LUC7L3: variants seen among roughly 807,000 people sequenced by gnomAD.
LUC7L3 encodes the protein luc7-like protein 3.
Under a neutral mutation model 66.8 loss-of-function variants are expected in LUC7L3, and 6 were observed. The observed-to-expected ratio is 0.09, with a 90% CI of 0.05 to 0.18. The LOEUF is 0.18. Among genes scored for constraint, LUC7L3 ranks in the 10% least tolerant of loss-of-function variants. The pLI, the probability that LUC7L3 is intolerant of heterozygous loss-of-function variation, is 1.00. For synonymous variants in LUC7L3, 160 were observed against 174.7 expected, an observed-to-expected ratio of 0.92 and a Z score of 0.66; for missense variants, 341 against 531.1, an observed-to-expected ratio of 0.64 and a Z score of 3.52.
chr17:50,739,024 C>T (rs973497325), intron 2 of LUC7L3, among the ~76,000 whole-genome samples: 3 of 151,878 alleles, frequency 2.0e-5, no homozygotes, highest in Non-Finnish European at 4.4e-5. Flanking sequence ...ATGTGTCTGC[C>T]GGAGGGGGAA....
rs1454196649 is a variant in LUC7L3 at position 50,755,203 on chromosome 17, C to A, written c.*4542C>A. On this transcript the variant is annotated 3_prime_UTR_variant, in exon 10 of 10. Coordinates refer to ENST00000505658, the MANE Select transcript of LUC7L3 (RefSeq NM_016424.5). ...CCCATGGTTAAAAAAAAAAAGTGTT[C>A]AGTGATCTATGTCTCCTACTACTCC... is the stretch of plus-strand genomic sequence containing the variant. 6.6e-6 allele frequency: 1 copy of A among 151,904 alleles called. No individual in the cohort carries two copies. Among genetic ancestry groups the A allele is most frequent in the Non-Finnish European group, 1.5e-5 (1 of 67,976 alleles). The allele number at this position is 151,904 out of a possible 1,614,324, so 9.4% of individuals were successfully genotyped here.
chr17:50,743,901 C>A, intron 6 of LUC7L3, 91 bp downstream of exon 6: 2 of 950,960 alleles, frequency 2.1e-6, no homozygotes, highest in African/African-American at 1.7e-5. Flanking sequence ...AACTGATGTT[C>A]CAAACTTAGA....
At position 50,754,520 on chromosome 17, in the gene LUC7L3, A is replaced by AT. The variant is rs1971076167; in HGVS notation, c.*3861dup. ...AAACTTTTGTTGGTCATCAAACTATATTAGCACTGGTCCAATAGTTTAATT... is the reference window on the plus strand; with the variant it reads ...AAACTTTTGTTGGTCATCAAACTATATTTAGCACTGGTCCAATAGTTTAATT... On this transcript the variant is annotated 3_prime_UTR_variant, in exon 10 of 10. Coordinates refer to ENST00000505658, the MANE Select transcript of LUC7L3 (RefSeq NM_016424.5). 1 of 152,234 alleles carries AT rather than the reference A, an allele frequency of 6.6e-6. No individual in the cohort carries two copies. The highest frequency in any genetic ancestry group is 6.5e-5 in the Admixed American group (1 of 15,280). The allele number at this position is 152,234 out of a possible 1,614,324, so 9.4% of individuals were successfully genotyped here.
At chr17:50,737,228 T>C (rs1970037691) in intron 2 of LUC7L3, 2 of 654,984 alleles carry the variant, frequency 3.1e-6, no homozygotes, top group South Asian at 1.6e-5. Context: ...TAATTAAACA[T>C]ACATGTCTAT....
intron 1 of LUC7L3, among the ~76,000 whole-genome samples, chr17:50,730,180 C>T (rs78472206): frequency 0.064 from 9,688 of 151,562 alleles, 362 homozygotes; most frequent in Non-Finnish European, 0.082. Context: ...CCACGTTGCC[C>T]GGGCTGGTCT....
chr17:50,739,693 A>G (rs527772016), intron 2 of LUC7L3, among the ~76,000 whole-genome samples: 15 of 152,334 alleles, frequency 9.8e-5, no homozygotes, highest in African/African-American at 3.6e-4. Context: ...AGAAAACATC[A>G]GAAGTGTCTC....
At chr17:50,729,896 TTATATA>T (rs1156777167) in intron 1 of LUC7L3, among the ~76,000 whole-genome samples, 1,300 of 64,674 alleles carry the variant, frequency 0.02, 14 homozygotes, top group Non-Finnish European at 0.027. Context: ...TATAAATACA[TTATATA>T]TATATATATA....
intron 1 of LUC7L3, chr17:50,723,055 T>G (rs1436947562): frequency 6.6e-6 from 1 of 152,262 alleles, no homozygotes; most frequent in Non-Finnish European, 1.5e-5. Context: ...GAGGGTTTGA[T>G]TTCAGTGTTA....
At chr17:50,744,322 G>A (rs1301698119) in intron 6 of LUC7L3, among the ~76,000 whole-genome samples, 3 of 152,128 alleles carry the variant, frequency 2.0e-5, no homozygotes, top group Non-Finnish European at 4.4e-5. Flanking sequence ...TTTTGTATAT[G>A]GACATTATTC....
intron 1 of LUC7L3, chr17:50,723,086 C>T (rs943188668): frequency 2.6e-5 from 4 of 152,078 alleles, no homozygotes; most frequent in Admixed American, 2.0e-4. Context: ...GCACTAGTAG[C>T]CATATTATTA....
At chr17:50,740,401 G>A (rs8080454) in intron 3 of LUC7L3, 56 bp downstream of exon 3, 37 of 1,487,436 alleles carry the variant, frequency 2.5e-5, no homozygotes, top group Middle Eastern at 1.7e-4. Context: ...GTTTAAGTGG[G>A]ACAAGGGTTG....
chr17:50,742,466 C>G (rs1465788691), intron 5 of LUC7L3, among the ~76,000 whole-genome samples: 1 of 152,066 alleles, frequency 6.6e-6, no homozygotes, highest in Non-Finnish European at 1.5e-5. Context: ...TCAAATGATT[C>G]TCCTGCCTCA....
chr17:50,745,605 C>T, intron 7 of LUC7L3, 115 bp from the exon 8 acceptor site: 1 of 713,198 alleles, frequency 1.4e-6, no homozygotes, highest in Non-Finnish European at 2.4e-6. Context: ...GTCTACATTT[C>T]CCTTAAGGGC....
rs763009107 is a variant in LUC7L3, at chr17:50,741,725, G to A, written c.420G>A (p.Leu140=). The change falls in exon 5 of 10, where the codon CTG becomes CTA. Residue 140 remains leucine (L), a synonymous_variant. Transcript: ENST00000505658. ...QVLTDKIDVL[L]QQIEELGSEG... ...TAACAGACAAAATTGATGTACTTCTGCAACAGGTGAGAATTGTGTGCATTA... is the reference window on the plus strand; with the variant it reads ...TAACAGACAAAATTGATGTACTTCTACAACAGGTGAGAATTGTGTGCATTA... The A allele has an allele frequency of 5.6e-6, 9 of 1,612,576 alleles. No individual in the cohort carries two copies. The highest frequency in any genetic ancestry group is 7.6e-6 in the Non-Finnish European group (9 of 1,178,846).
At chr17:50,738,112 G>A (rs1400496963) in intron 2 of LUC7L3, 1 of 455,564 alleles carries the variant, frequency 2.2e-6, no homozygotes, top group East Asian at 6.9e-5. Context: ...TTCCTAGAAG[G>A]ATACAGCCAG....
Position 50,752,586 on chromosome 17 carries a change from T to C in LUC7L3, c.*1925T>C, listed in dbSNP as rs1339308590. 1 of 154,046 alleles carries C rather than the reference T, an allele frequency of 6.5e-6. No homozygotes were observed. Among genetic ancestry groups the C allele is most frequent in the East Asian group, 1.9e-4 (1 of 5,260 alleles). The allele number at this position is 154,046 out of a possible 1,614,324, so 9.5% of individuals were successfully genotyped here. A position where few individuals can be genotyped will look rare whatever the true frequency, so the allele number is the denominator to read the frequency against. On this transcript the variant is annotated 3_prime_UTR_variant, in exon 10 of 10. Coordinates refer to ENST00000505658, the MANE Select transcript of LUC7L3 (RefSeq NM_016424.5). ...TGGGATTTCATTTTTACAACTCTGC[T>C]CTACTTAGCCTTTGGATTTAGAAGT...
chr17:50,725,778 A>C (rs989459491), intron 1 of LUC7L3, among the ~76,000 whole-genome samples: 1 of 152,230 alleles, frequency 6.6e-6, no homozygotes, highest in Non-Finnish European at 1.5e-5. Context: ...GTACATCACA[A>C]ATACATAAAA....
chr17:50,746,628 G>A lies in LUC7L3; in HGVS notation c.1064G>A (p.Ser355Asn). The change falls in exon 9 of 10, where the codon AGC (serine) becomes AAC (asparagine). Residue 355 changes from serine to asparagine, a missense_variant. By Grantham distance (46) the Ser-to-Asn change is conservative (BLOSUM62 1). Coordinates refer to ENST00000505658, the MANE Select transcript of LUC7L3 (RefSeq NM_016424.5). ...AGTCGGGATCGAAGAAGATCAAAAAGCCGGGATCGAAAGTCATATAAGCAC... is the reference window on the plus strand; with the variant it reads ...AGTCGGGATCGAAGAAGATCAAAAAACCGGGATCGAAAGTCATATAAGCAC... ...SRSRDRRRSK[S>N]RDRKSYKHRS... The A allele has an allele frequency of 6.2e-7, 1 of 1,614,122 alleles. No homozygotes were observed. The highest frequency in any genetic ancestry group is 8.5e-7 in the Non-Finnish European group (1 of 1,179,988).
At chr17:50,733,317 C>T (rs559259001) in intron 1 of LUC7L3, among the ~76,000 whole-genome samples, 206 of 151,560 alleles carry the variant, frequency 1.4e-3, no homozygotes, top group African/African-American at 4.9e-3. Flanking sequence ...CTGCAAGCTC[C>T]GCCTCCTGGG....
Sources: allele counts gnomAD v4.1 joint callset (sites outside exome capture counted in the v4.1 genomes callset), GRCh38; gene constraint gnomAD v4.1.1; transcripts MANE v1.5; gene names NCBI Gene and HGNC (gene_info 2026-07-23, HGNC 2026-07-21).